RGS22: variants seen among roughly 807,000 people sequenced by gnomAD.
RGS22 encodes regulator of G-protein signaling 22.
Under a neutral mutation model 172.9 loss-of-function variants are expected in RGS22, and 148 were observed. The observed-to-expected ratio is 0.86, with a 90% CI of 0.75 to 0.98. The LOEUF (loss-of-function observed/expected upper bound fraction) is 0.98. Ranked by LOEUF, RGS22 falls within the 50% of genes least tolerant of loss-of-function variation. The probability of loss-of-function intolerance (pLI) is 0.00; values close to 1 mark genes in which losing one functional copy is unlikely to be tolerated. For synonymous variants in RGS22, 458 were observed against 480.2 expected (o/e 0.95, Z 0.60); for missense variants, 1,347 against 1,440.8 (o/e 0.93, Z 1.05).
At chr8:100,028,906 T>C (rs1451348044) in intron 14 of RGS22, among the ~76,000 whole-genome samples, 1 of 152,138 alleles carries the variant, frequency 6.6e-6, no homozygotes, top group Non-Finnish European at 1.5e-5. Flanking sequence ...ATAGCAACGG[T>C]GATGATTTGT....
chr8:100,099,000 C>G (rs1813255047), intron 2 of RGS22, among the ~76,000 whole-genome samples: 1 of 151,846 alleles, frequency 6.6e-6, no homozygotes, highest in Non-Finnish European at 1.5e-5. Context: ...ACTGCAACCT[C>G]CACCTCCCAG....
At chr8:100,024,933 A>T (rs1282058039) in intron 14 of RGS22, among the ~76,000 whole-genome samples, 6 of 152,150 alleles carry the variant, frequency 3.9e-5, no homozygotes, top group African/African-American at 1.4e-4. Flanking sequence ...CGTCAGGTAT[A>T]ATAGATAATG....
intron 1 of RGS22, chr8:100,105,634 G>A (rs1001474678): frequency 1.7e-6 from 1 of 588,486 alleles, no homozygotes; most frequent in Non-Finnish European, 3.0e-6. Flanking sequence ...TGTGACCCAG[G>A]AGTTACCCTT....
chr8:99,965,056 C>G (rs1301748999), intron 24 of RGS22, among the ~76,000 whole-genome samples: 1 of 152,124 alleles, frequency 6.6e-6, no homozygotes, highest in Admixed American at 6.6e-5. Flanking sequence ...TGTACTGTAT[C>G]TGTCTTATTT....
intron 3 of RGS22, among the ~76,000 whole-genome samples, chr8:100,086,720 GA>G (rs1398527514): frequency 6.6e-6 from 1 of 151,948 alleles, no homozygotes; most frequent in African/African-American, 2.4e-5. Context: ...AAGTTGAAAA[GA>G]AAAAAGAAAG....
chr8:100,067,908 C>T (rs1811443827), intron 6 of RGS22, among the ~76,000 whole-genome samples: 1 of 152,052 alleles, frequency 6.6e-6, no homozygotes, highest in South Asian at 2.1e-4. Flanking sequence ...CAGGCGTGAG[C>T]CACCGCGCCC....
chr8:100,092,775 C>T (rs1348255356), intron 3 of RGS22, among the ~76,000 whole-genome samples: 1 of 152,172 alleles, frequency 6.6e-6, no homozygotes, highest in African/African-American at 2.4e-5. Context: ...TAGGACATCC[C>T]TTAATACTCA....
intron 14 of RGS22, among the ~76,000 whole-genome samples, chr8:100,023,791 G>A (rs891413578): frequency 8.5e-5 from 13 of 152,222 alleles, no homozygotes; most frequent in Admixed American, 5.2e-4. Context: ...GCAGGCCTGT[G>A]AAGCCTTTTT....
intron 14 of RGS22, among the ~76,000 whole-genome samples, chr8:100,013,548 T>C (rs1816645812): frequency 6.6e-6 from 1 of 152,256 alleles, no homozygotes. Flanking sequence ...CACTTCATGA[T>C]GCCCTGTTGA....
chr8:100,053,215 T>C (rs970024152), intron 9 of RGS22, among the ~76,000 whole-genome samples: 1 of 152,078 alleles, frequency 6.6e-6, no homozygotes, highest in African/African-American at 2.4e-5. Flanking sequence ...AAAAACATCA[T>C]AAGTAAAATT....
intron 2 of RGS22, among the ~76,000 whole-genome samples, chr8:100,094,787 C>A (rs1358259184): frequency 6.6e-6 from 1 of 152,142 alleles, no homozygotes; most frequent in African/African-American, 2.4e-5. Flanking sequence ...TTTAATAATT[C>A]CTACTGTATT....
chr8:100,035,507 T>C (rs1488706538), intron 14 of RGS22, among the ~76,000 whole-genome samples: 1 of 152,202 alleles, frequency 6.6e-6, no homozygotes, highest in African/African-American at 2.4e-5. Flanking sequence ...TTTACACTGT[T>C]GGTGGGAGTA....
chr8:100,014,051 A>G (rs1816694828), intron 14 of RGS22, among the ~76,000 whole-genome samples: 1 of 152,152 alleles, frequency 6.6e-6, no homozygotes, highest in Non-Finnish European at 1.5e-5. Context: ...CTGTATTCTT[A>G]CACTTCTTCA....
At chr8:100,036,580 T>A (rs1165033905) in intron 14 of RGS22, among the ~76,000 whole-genome samples, 4 of 152,164 alleles carry the variant, frequency 2.6e-5, no homozygotes, top group African/African-American at 9.7e-5. Context: ...GAAAACAATA[T>A]AAAATCAAGT....
intron 23 of RGS22, among the ~76,000 whole-genome samples, chr8:99,972,252 A>G (rs1379515736): frequency 6.6e-6 from 1 of 152,240 alleles, no homozygotes. Context: ...AATTAACTCA[A>G]GATGGATTAA....
rs545074494 is a variant in RGS22 at position 100,004,043 on chromosome 8, C to G, written c.2510G>C (p.Arg837Pro). Residue 837 changes from arginine to proline, a missense_variant, in exon 17 of 28, where the codon CGA becomes CCA. By Grantham distance (103) the Arg-to-Pro change is moderately radical (BLOSUM62 -2). Transcript: ENST00000360863. The part of the protein sequence containing the change: ...GILSLSNVSK[R>P]TEYWDNVPAE... ...AGGAACATTATCCCAATATTCTGTT[C>G]GTTTAGAGACGTTAGAGAGTGATAA... The G allele has an allele frequency of 6.2e-7, 1 of 1,611,386 alleles. No homozygotes were observed. The highest frequency in any genetic ancestry group is 8.5e-7 in the Non-Finnish European group (1 of 1,178,506).
At chr8:99,991,292 A>G (rs1163330061) in intron 20 of RGS22, among the ~76,000 whole-genome samples, 1 of 152,230 alleles carries the variant, frequency 6.6e-6, no homozygotes, top group Admixed American at 6.5e-5. Context: ...AGTAGGCTTC[A>G]GAAGGTTGGT....
chr8:100,102,425 TAAG>T (rs1168811393), intron 2 of RGS22, among the ~76,000 whole-genome samples: 1 of 152,222 alleles, frequency 6.6e-6, no homozygotes, highest in East Asian at 1.9e-4. Context: ...ACATTTTTCC[TAAG>T]AATACGTAAT....
chr8:100,052,039 A>G (rs1821627104), intron 10 of RGS22, among the ~76,000 whole-genome samples: 1 of 93,352 alleles, frequency 1.1e-5, no homozygotes, highest in African/African-American at 4.3e-5. Flanking sequence ...ATATTTATAT[A>G]TAAATGTTTA....
Sources: allele counts gnomAD v4.1 joint callset (sites outside exome capture counted in the v4.1 genomes callset), GRCh38; gene constraint gnomAD v4.1.1; transcripts MANE v1.5; gene names NCBI Gene and HGNC (gene_info 2026-07-23, HGNC 2026-07-21).